Variants in AGAP1 observed in about 807,000 individuals in gnomAD.
The protein encoded by AGAP1 is ArfGAP with GTPase domain, ankyrin repeat and PH domain 1.
Under a neutral mutation model 105.3 loss-of-function variants are expected in AGAP1, and 29 were observed. That is an observed-to-expected ratio of 0.28 (90% CI 0.21 to 0.38). The LOEUF is 0.38. Among genes scored for constraint, AGAP1 ranks in the 10% least tolerant of loss-of-function variants. The pLI is 1.00. For synonymous variants in AGAP1, 509 were observed against 485.9 expected, an observed-to-expected ratio of 1.05 and a Z score of -0.63; for missense variants, 998 against 1,165.1, an observed-to-expected ratio of 0.86 and a Z score of 2.09.
At chr2:235,937,657 C>T (rs2053056844) in intron 12 of AGAP1, among the ~76,000 whole-genome samples, 1 of 152,234 alleles carries the variant, frequency 6.6e-6, no homozygotes, top group Non-Finnish European at 1.5e-5. Context: ...GGCCCTCTGG[C>T]CCTCGGCGTG....
At chr2:235,939,835 C>G (rs961045378) in intron 12 of AGAP1, among the ~76,000 whole-genome samples, 1 of 152,098 alleles carries the variant, frequency 6.6e-6, no homozygotes, top group Non-Finnish European at 1.5e-5. Context: ...CAGCAGACCT[C>G]AGACGATAGA....
rs1177735329 is a variant in AGAP1, at chr2:235,728,542, G to A, written c.310+10898G>A. On this transcript the variant is annotated intron_variant, in intron 3 of 17. Coordinates refer to ENST00000304032, the MANE Select transcript of AGAP1 (RefSeq NM_001037131.3). This position sits in a 1 kb window ranked among gnomAD's most constrained non-coding sequence, Gnocchi z 4.3. ...GTGTTCAGGAGGATTCTGAGGCAGG[G>A]TCTGTGTGCAGGAGGAGTGCTAGTG... Among the ~76,000 whole-genome samples, 1 of 152,132 alleles carries A rather than the reference G, an allele frequency of 6.6e-6. No individual in the cohort carries two copies. The highest frequency in any genetic ancestry group is 6.5e-5 in the Admixed American group (1 of 15,270).
In AGAP1 at chr2:235,883,843, A is replaced by G. The variant is rs1212774240; in HGVS notation, c.1155+394A>G. 6.6e-6 allele frequency among the ~76,000 whole-genome samples: 1 copy of G among 152,238 alleles called. No individual in the cohort carries two copies. Among genetic ancestry groups the G allele is most frequent in the African/African-American group, 2.4e-5 (1 of 41,460 alleles). The stretch of plus-strand genomic sequence containing the variant: ...AGGATTTAGCTTTGAAAAGCTGTGA[A>G]CAATAATCAGAAGTCAAATGCAATT... On this transcript the variant is annotated intron_variant, in intron 10 of 17. Coordinates refer to ENST00000304032, the MANE Select transcript of AGAP1 (RefSeq NM_001037131.3). The surrounding 1 kb of genome is among the most constrained non-coding windows in gnomAD (Gnocchi z 4.5).
At position 235,977,849 on chromosome 2, in the gene AGAP1, C is replaced by T. The variant is rs1348342711; in HGVS notation, c.1645+9226C>T. ...AAATTGCACCTACCGTTTGTCTTAG[C>T]TCAGCCTGCCATATCAAAATGCCAC... On this transcript the variant is annotated intron_variant, in intron 13 of 17. Transcript: ENST00000304032. This position sits in a 1 kb window ranked among gnomAD's most constrained non-coding sequence, Gnocchi z 5.2. 6.6e-6 allele frequency among the ~76,000 whole-genome samples: 1 copy of T among 152,186 alleles called. No individual in the cohort carries two copies. Among genetic ancestry groups the T allele is most frequent in the Non-Finnish European group, 1.5e-5 (1 of 68,024 alleles).
chr2:236,069,918 A>G (rs569431930), intron 16 of AGAP1, among the ~76,000 whole-genome samples: 3 of 152,360 alleles, frequency 2.0e-5, no homozygotes, highest in South Asian at 4.1e-4. Context: ...TTAATAAGCT[A>G]TCTATGACAT....
At position 235,936,639 on chromosome 2, in the gene AGAP1, T is replaced by C. The variant is rs2053004695; in HGVS notation, c.1483+5716T>C. ...GCATTTTTTTTCTCTTCTTGGATAT[T>C]ATACTGACAATTTTAGTGTATGACC... On this transcript the variant is annotated intron_variant, in intron 12 of 17. Transcript: ENST00000304032. This position sits in a 1 kb window ranked among gnomAD's most constrained non-coding sequence, Gnocchi z 4.7. Among the ~76,000 whole-genome samples the C allele has an allele frequency of 6.6e-6, 1 of 152,144 alleles. No individual in the cohort carries two copies. Among genetic ancestry groups the C allele is most frequent in the African/African-American group, 2.4e-5 (1 of 41,434 alleles).
In AGAP1 at chr2:235,691,283, G is replaced by C. The variant is rs1036820811; in HGVS notation, c.164-17896G>C. On this transcript the variant is annotated intron_variant, in intron 1 of 17. Transcript: ENST00000304032. The surrounding 1 kb of genome is among the most constrained non-coding windows in gnomAD (Gnocchi z 4.4). ...TGGCCCCAGGACTGTCATATCCAGG[G>C]AAAGGTCACTCTCTGGCAGTGGATG... is the stretch of plus-strand genomic sequence containing the variant. Among the ~76,000 whole-genome samples the C allele has an allele frequency of 4.6e-5, 7 of 152,298 alleles. No individual in the cohort carries two copies. Among genetic ancestry groups the C allele is most frequent in the African/African-American group, 1.7e-4 (7 of 41,556 alleles).
At chr2:236,034,993 A>G (rs1229705607) in intron 13 of AGAP1, among the ~76,000 whole-genome samples, 1 of 152,036 alleles carries the variant, frequency 6.6e-6, no homozygotes, top group Non-Finnish European at 1.5e-5. Flanking sequence ...GCCAGAAAGG[A>G]GTGGGGAAAG....
At position 236,014,325 on chromosome 2, in the gene AGAP1, G is replaced by A. The variant is rs1045230766; in HGVS notation, c.1646-22236G>A. On this transcript the variant is annotated intron_variant, in intron 13 of 17. Coordinates refer to ENST00000304032, the MANE Select transcript of AGAP1 (RefSeq NM_001037131.3). The surrounding 1 kb of genome is among the most constrained non-coding windows in gnomAD (Gnocchi z 6.3). ...ACAACTTCACTTTTAACAGCTCTTG[G>A]TTTTAAAACCTACCTTCTCCAACAC... Among the ~76,000 whole-genome samples the A allele has an allele frequency of 6.6e-6, 1 of 152,150 alleles. No individual in the cohort carries two copies. Among genetic ancestry groups the A allele is most frequent in the Non-Finnish European group, 1.5e-5 (1 of 68,020 alleles).
chr2:236,105,798 C>T lies in AGAP1; in HGVS notation c.2115-14394C>T, dbSNP rs2059474418. 6.6e-6 allele frequency among the ~76,000 whole-genome samples: 1 copy of T among 152,124 alleles called. No individual in the cohort carries two copies. The highest frequency in any genetic ancestry group is 1.5e-5 in the Non-Finnish European group (1 of 68,024). Reference sequence around the variant, plus strand: ...ATTTTTAGTAGAGACGGGGTTTCACCATGTTAGCCAGGGTGGTCTCGATCT... The same window carrying T: ...ATTTTTAGTAGAGACGGGGTTTCACTATGTTAGCCAGGGTGGTCTCGATCT... On this transcript the variant is annotated intron_variant, in intron 16 of 17. Coordinates refer to ENST00000304032, the MANE Select transcript of AGAP1 (RefSeq NM_001037131.3). The surrounding 1 kb of genome is among the most constrained non-coding windows in gnomAD (Gnocchi z 4.2).
intron 6 of AGAP1, among the ~76,000 whole-genome samples, chr2:235,768,679 G>A (rs1955174155): frequency 6.6e-6 from 1 of 152,230 alleles, no homozygotes; most frequent in Non-Finnish European, 1.5e-5. Flanking sequence ...GGCATCCAGG[G>A]ATGTGCACGG....
intron 12 of AGAP1, among the ~76,000 whole-genome samples, chr2:235,940,385 T>G (rs2053203983): frequency 6.6e-6 from 1 of 152,314 alleles, no homozygotes; most frequent in African/African-American, 2.4e-5. Context: ...CTCCAGTGGC[T>G]TCCCACTGCC....
At chr2:236,041,736 G>A (rs1316220043) in intron 15 of AGAP1, among the ~76,000 whole-genome samples, 4 of 152,198 alleles carry the variant, frequency 2.6e-5, no homozygotes, top group Non-Finnish European at 4.4e-5. Flanking sequence ...GGAGTCAAAC[G>A]TGCATGGCGT....
Position 236,068,144 on chromosome 2 carries a change from T to A in AGAP1, c.2114+18863T>A, listed in dbSNP as rs1198108297. Among the ~76,000 whole-genome samples the A allele has an allele frequency of 2.0e-5, 3 of 152,088 alleles. No homozygotes were observed. In the East Asian group the frequency reaches 5.8e-4, roughly 29 times the overall value. ...AAATTTAGCTGGGCGTTGTGGCATG[T>A]GCCTGTAATCCCAGCTACTCGGAGG... On this transcript the variant is annotated intron_variant, in intron 16 of 17. Coordinates refer to ENST00000304032, the MANE Select transcript of AGAP1 (RefSeq NM_001037131.3).
At chr2:235,978,129 A>G (rs1188095051) in intron 13 of AGAP1, among the ~76,000 whole-genome samples, 1 of 151,978 alleles carries the variant, frequency 6.6e-6, no homozygotes, top group African/African-American at 2.4e-5. Flanking sequence ...TCTAACCCTC[A>G]TCACCTCCCA....
chr2:235,786,689 T>C (rs994274472), intron 6 of AGAP1, among the ~76,000 whole-genome samples: 2 of 152,236 alleles, frequency 1.3e-5, no homozygotes, highest in African/African-American at 4.8e-5. Context: ...AATGAAAAGC[T>C]ATCTGAAGGA....
chr2:235,920,424 G>T (rs950665595), intron 11 of AGAP1, among the ~76,000 whole-genome samples: 1 of 152,134 alleles, frequency 6.6e-6, no homozygotes, highest in Admixed American at 6.5e-5. Context: ...CGCTGCATGC[G>T]CATGGTGCCC....
At chr2:235,527,625 C>T (rs1453077450) in intron 1 of AGAP1, among the ~76,000 whole-genome samples, 1 of 152,186 alleles carries the variant, frequency 6.6e-6, no homozygotes, top group Non-Finnish European at 1.5e-5. Flanking sequence ...TTTGCCCAAA[C>T]CATCTGCCTA....
intron 9 of AGAP1, among the ~76,000 whole-genome samples, chr2:235,831,184 TAAAA>T (rs35101565): frequency 7.2e-6 from 1 of 138,116 alleles, no homozygotes; most frequent in Non-Finnish European, 1.5e-5. Context: ...TCTTCTTCTT[TAAAA>T]AAAAAAAAAA....
Sources: allele counts gnomAD v4.1 joint callset (sites outside exome capture counted in the v4.1 genomes callset), GRCh38; gene constraint gnomAD v4.1.1; non-coding constraint Gnocchi (gnomAD v3.1); transcripts MANE v1.5; gene names NCBI Gene and HGNC (gene_info 2026-07-23, HGNC 2026-07-21).